Variants in CCSER1 observed in about 807,000 individuals in gnomAD.
CCSER1 encodes the protein coiled-coil serine rich protein 1, also known as serine-rich coiled-coil domain-containing protein 1.
Under a neutral mutation model 82.0 loss-of-function variants are expected in CCSER1, and 41 were observed. The ratio of observed to expected loss-of-function variants is 0.50; its 90% CI spans 0.39 to 0.65. The LOEUF is 0.65. Ranked by LOEUF, CCSER1 falls within the 30% of genes least tolerant of loss-of-function variation. The probability of loss-of-function intolerance (pLI) is 0.00; values close to 1 mark genes in which losing one functional copy is unlikely to be tolerated. For missense variants in CCSER1, 1,119 were observed against 1,064.2 expected (o/e 1.05, Z -0.72); for synonymous variants, 414 against 383.9 (o/e 1.08, Z -0.92).
intron 10 of CCSER1, among the ~76,000 whole-genome samples, chr4:91,268,252 T>C (rs1254851954): frequency 6.6e-6 from 1 of 152,172 alleles, no homozygotes; most frequent in Non-Finnish European, 1.5e-5. Flanking sequence ...TATCAGTGCA[T>C]GTTCACAGTG....
intron 5 of CCSER1, among the ~76,000 whole-genome samples, chr4:90,526,031 G>C (rs928845806): frequency 2.6e-5 from 4 of 152,006 alleles, no homozygotes; most frequent in Non-Finnish European, 5.9e-5. Context: ...TATTTTGTTA[G>C]TTTTTCTCAA....
chr4:90,784,015 G>T (rs1561129927), intron 7 of CCSER1, among the ~76,000 whole-genome samples: 1 of 152,186 alleles, frequency 6.6e-6, no homozygotes, highest in Non-Finnish European at 1.5e-5. Flanking sequence ...TGAGAGTCAG[G>T]AATAGTAGTC....
At chr4:90,693,209 A>G (rs1320123592) in intron 6 of CCSER1, among the ~76,000 whole-genome samples, 1 of 151,896 alleles carries the variant, frequency 6.6e-6, no homozygotes, top group Non-Finnish European at 1.5e-5. Context: ...AAGGCCTTTT[A>G]CGTATATGTA....
intron 10 of CCSER1, among the ~76,000 whole-genome samples, chr4:91,407,967 G>A (rs561619698): frequency 5.9e-5 from 9 of 152,212 alleles, no homozygotes; most frequent in Admixed American, 2.0e-4. Context: ...GTCTATTGCC[G>A]TTTCAGTGAG....
At chr4:91,559,456 T>C (rs565787142) in intron 10 of CCSER1, among the ~76,000 whole-genome samples, 102 of 151,594 alleles carry the variant, frequency 6.7e-4, no homozygotes, top group African/African-American at 2.4e-3. Flanking sequence ...GGAATATTTT[T>C]CCCCCTGGGA....
At chr4:90,438,008 A>G (rs1247430916) in intron 4 of CCSER1, among the ~76,000 whole-genome samples, 1 of 152,142 alleles carries the variant, frequency 6.6e-6, no homozygotes, top group East Asian at 1.9e-4. Flanking sequence ...CATTTTATCT[A>G]CATCTCCACA....
intron 3 of CCSER1, among the ~76,000 whole-genome samples, chr4:90,333,421 CAAACA>C (rs1446572348): frequency 6.6e-6 from 1 of 151,728 alleles, no homozygotes; most frequent in Non-Finnish European, 1.5e-5. Flanking sequence ...AAACACAAAA[CAAACA>C]AAACGAAACA....
chr4:90,507,767 A>G (rs1770916980), intron 5 of CCSER1, among the ~76,000 whole-genome samples: 1 of 152,052 alleles, frequency 6.6e-6, no homozygotes. Context: ...GCCAGGAGCA[A>G]ATGTAAAGGC....
intron 4 of CCSER1, among the ~76,000 whole-genome samples, chr4:90,465,415 G>A (rs535427045): frequency 4.0e-5 from 6 of 149,906 alleles, no homozygotes; most frequent in South Asian, 2.1e-4. Flanking sequence ...CAGCCTCCCC[G>A]GTTCAAGCAA....
At chr4:91,138,995 G>A (rs1728763220) in intron 10 of CCSER1, among the ~76,000 whole-genome samples, 1 of 152,172 alleles carries the variant, frequency 6.6e-6, no homozygotes, top group Non-Finnish European at 1.5e-5. Context: ...GGTGAGCATA[G>A]TACATCATAG....
At chr4:90,951,452 GTTAC>G in intron 9 of CCSER1, 1 of 152,030 alleles carries the variant, frequency 6.6e-6, no homozygotes, top group African/African-American at 2.4e-5. Context: ...ACTTTTTTCG[GTTAC>G]TTTTCTTCCT....
chr4:90,204,784 A>C (rs964730378), intron 1 of CCSER1, among the ~76,000 whole-genome samples: 2 of 152,234 alleles, frequency 1.3e-5, no homozygotes, highest in Non-Finnish European at 2.9e-5. Flanking sequence ...TACTTTGAGC[A>C]GTATGGCCAT....
At chr4:91,374,667 AGG>A (rs1367293082) in intron 10 of CCSER1, among the ~76,000 whole-genome samples, 1 of 152,220 alleles carries the variant, frequency 6.6e-6, no homozygotes, top group Non-Finnish European at 1.5e-5. Flanking sequence ...TCATGGATCA[AGG>A]AATAATTTTG....
At chr4:90,616,683 TCACACACACA>T (rs56988615) in intron 5 of CCSER1, among the ~76,000 whole-genome samples, 3,436 of 120,300 alleles carry the variant, frequency 0.029, 56 homozygotes, top group East Asian at 0.077. Context: ...TGGCTCTGTC[TCACACACACA>T]CACACACACA....
chr4:91,093,129 G>T (rs1333691242), intron 10 of CCSER1, among the ~76,000 whole-genome samples: 1 of 152,196 alleles, frequency 6.6e-6, no homozygotes, highest in Non-Finnish European at 1.5e-5. Flanking sequence ...AAAGCAATGA[G>T]TTCTTCCTTC....
chr4:90,253,869 A>G (rs1722808878), intron 1 of CCSER1, among the ~76,000 whole-genome samples: 1 of 152,252 alleles, frequency 6.6e-6, no homozygotes, highest in East Asian at 1.9e-4. Context: ...GTCTGCATCT[A>G]CTGGTATCAT....
At position 90,914,568 on chromosome 4, in the gene CCSER1, C is replaced by T. The variant is rs1483327503; in HGVS notation, c.2095-8802C>T. Among the ~76,000 whole-genome samples the T allele has an allele frequency of 4.6e-5, 7 of 152,020 alleles. No individual in the cohort carries two copies. The East Asian group carries it at 9.6e-4, about 21-fold the overall frequency. On this transcript the variant is annotated intron_variant, in intron 8 of 10. Transcript: ENST00000509176. ...GAAAGATCTAAAACTGACACCCTAACATCACAATTAAAAGAACTAGAGAAG... is the reference window on the plus strand; with the variant it reads ...GAAAGATCTAAAACTGACACCCTAATATCACAATTAAAAGAACTAGAGAAG...
At chr4:90,857,023 C>T (rs1448258718) in intron 8 of CCSER1, among the ~76,000 whole-genome samples, 1 of 151,386 alleles carries the variant, frequency 6.6e-6, no homozygotes, top group East Asian at 1.9e-4. Flanking sequence ...CTATCTTTTA[C>T]TTCAATCGCA....
intron 1 of CCSER1, among the ~76,000 whole-genome samples, chr4:90,154,571 G>GT (rs1338919659): frequency 6.7e-6 from 1 of 148,658 alleles, no homozygotes; most frequent in Non-Finnish European, 1.5e-5. Flanking sequence ...GTGGTTTGTA[G>GT]TTCTCCTTGA....
Sources: allele counts gnomAD v4.1 joint callset (sites outside exome capture counted in the v4.1 genomes callset), GRCh38; gene constraint gnomAD v4.1.1; transcripts MANE v1.5; gene names NCBI Gene and HGNC (gene_info 2026-07-23, HGNC 2026-07-21).